Variants in EMX2 observed in about 807,000 individuals in gnomAD.
The protein encoded by EMX2 is empty spiracles homeobox 2, also known as homeobox protein EMX2.
EMX2 carries 6 observed loss-of-function variants against 23.0 expected under a neutral mutation model. The ratio of observed to expected loss-of-function variants is 0.26; its 90% CI spans 0.14 to 0.52. The LOEUF (loss-of-function observed/expected upper bound fraction) is 0.52. Ranked by LOEUF, EMX2 falls within the 20% of genes least tolerant of loss-of-function variation. The probability of loss-of-function intolerance (pLI) is 0.97; values close to 1 mark genes in which losing one functional copy is unlikely to be tolerated. For missense variants in EMX2, 302 were observed against 341.4 expected, an observed-to-expected ratio of 0.88 and a Z score of 0.91; for synonymous variants, 175 against 153.3, an observed-to-expected ratio of 1.14 and a Z score of -1.04.
intron 2 of EMX2, 128 bp from the exon 3 acceptor site, chr10:117,547,937 A>G (rs1189686720): frequency 7.5e-7 from 1 of 1,341,990 alleles, no homozygotes; most frequent in African/African-American, 1.5e-5. Context: ...GGACCTTAGG[A>G]CTTGCATCTC....
chr10:117,546,751 C>G (rs1290025311), intron 2 of EMX2, among the ~76,000 whole-genome samples: 7 of 152,250 alleles, frequency 4.6e-5, no homozygotes, highest in African/African-American at 1.7e-4. Flanking sequence ...AAGCCCCGAG[C>G]GCACCGACGC....
At chr10:117,547,814 C>T (rs1475911981) in intron 2 of EMX2, among the ~76,000 whole-genome samples, 1 of 152,242 alleles carries the variant, frequency 6.6e-6, no homozygotes, top group Non-Finnish European at 1.5e-5. Flanking sequence ...CACTCCGGGC[C>T]ACAGGGCCCT....
rs1380581528 is a variant in EMX2, at chr10:117,548,209, A to G, written c.736A>G (p.Ile246Val). ...CACCAAGCAGGCGAGTCCGGAGGAAATAGACGTGACCTCAGATGATTAAAA... is the reference window on the plus strand; with the variant it reads ...CACCAAGCAGGCGAGTCCGGAGGAAGTAGACGTGACCTCAGATGATTAAAA... ...IATKQASPEE[I>V]DVTSDD The change falls in exon 3 of 3, where the codon ATA becomes GTA. Residue 246 changes from isoleucine (I) to valine (V), a missense_variant. By Grantham distance (29) the Ile-to-Val change is conservative. Coordinates refer to ENST00000553456, the MANE Select transcript of EMX2 (RefSeq NM_004098.4). The G allele has an allele frequency of 3.1e-6, 5 of 1,613,876 alleles. No homozygotes were observed. Among genetic ancestry groups the G allele is most frequent in the Non-Finnish European group, 4.2e-6 (5 of 1,179,958 alleles).
At chr10:117,546,290 T>C (rs1455238833) in intron 2 of EMX2, among the ~76,000 whole-genome samples, 3 of 152,124 alleles carry the variant, frequency 2.0e-5, no homozygotes, top group Non-Finnish European at 4.4e-5. Flanking sequence ...AGATGGGCGA[T>C]GGGAAGGTAG....
At chr10:117,545,950 G>A (rs1846573110) in intron 2 of EMX2, 134 bp downstream of exon 2, 9 of 1,280,584 alleles carry the variant, frequency 7.0e-6, no homozygotes, top group Non-Finnish European at 9.9e-6. Flanking sequence ...TTCCACGCCT[G>A]GGCTCGGGAT....
Position 117,542,892 on chromosome 10 carries a change from G to A in EMX2, c.-376G>A, listed in dbSNP as rs1589647459. On this transcript the variant is annotated 5_prime_UTR_variant, in exon 1 of 3. Transcript: ENST00000553456. ...CCTTCTCCTCCCTGCCTCTAACTCC[G>A]ATCCCCCCACGCCATCTCGCCAAAA... The A allele has an allele frequency of 5.0e-5, 1 of 19,814 alleles. No individual in the cohort carries two copies. Among genetic ancestry groups the A allele is most frequent in the Non-Finnish European group, 8.3e-5 (1 of 12,094 alleles). The allele number at this position is 19,814 out of a possible 1,614,324, so 1.2% of individuals were successfully genotyped here.
chr10:117,542,966 A>C lies in EMX2; in HGVS notation c.-302A>C, dbSNP rs1382944263. 1 of 305,678 alleles carries C rather than the reference A, an allele frequency of 3.3e-6. No homozygotes were observed. The highest frequency in any genetic ancestry group is 5.9e-6 in the Non-Finnish European group (1 of 170,162). The allele number at this position is 305,678 out of a possible 1,614,324, so 18.9% of individuals were successfully genotyped here. A position where few individuals can be genotyped will look rare whatever the true frequency, so the allele number is the denominator to read the frequency against. ...AAAAAAAGAAAAAAAAAGAAAAAAA[A>C]TTACCCCAATCCACGCCTGCAAATT... On this transcript the variant is annotated 5_prime_UTR_variant, in exon 1 of 3. Coordinates refer to ENST00000553456, the MANE Select transcript of EMX2 (RefSeq NM_004098.4).
chr10:117,543,025 T>C lies in EMX2; in HGVS notation c.-243T>C, dbSNP rs1487928443. On this transcript the variant is annotated 5_prime_UTR_variant, in exon 1 of 3. Transcript: ENST00000553456. The stretch of plus-strand genomic sequence containing the variant: ...AGGATTTTCCCCCCTCTCTTCAGGT[T>C]GGGCGCGTTTGGTGCAAGATTCTCG... The C allele has an allele frequency of 4.3e-6, 2 of 468,082 alleles. No individual in the cohort carries two copies. The highest frequency in any genetic ancestry group is 4.2e-5 in the African/African-American group (2 of 47,442). The allele number at this position is 468,082 out of a possible 1,614,324, so 29.0% of individuals were successfully genotyped here.
chr10:117,547,992 G>T, intron 2 of EMX2, 73 bp from the exon 3 acceptor site: 3 of 1,546,156 alleles, frequency 1.9e-6, no homozygotes, highest in Non-Finnish European at 2.6e-6. Flanking sequence ...TCTGGGCTGG[G>T]TGAAAGGATC....
At position 117,548,219 on chromosome 10, in the gene EMX2, C is replaced by T; in HGVS notation, c.746C>T (p.Thr249Ile). The change falls in exon 3 of 3, where the codon ACC (threonine) becomes ATC (isoleucine). Residue 249 changes from threonine to isoleucine, a missense_variant. Thr to Ile is a moderately conservative substitution (Grantham distance 89, BLOSUM62 -1). Around this residue, in one of 4 missense-constraint regions of EMX2, gnomAD observed 42 missense variants for 49.3 expected, o/e 0.85. Transcript: ENST00000553456. Reference sequence around the variant, plus strand: ...GCGAGTCCGGAGGAAATAGACGTGACCTCAGATGATTAAAAACATAAACCT... The same window carrying T: ...GCGAGTCCGGAGGAAATAGACGTGATCTCAGATGATTAAAAACATAAACCT... ...KQASPEEIDV[T>I]SDD is the part of the protein sequence containing the mutation. 1 of 1,613,558 alleles carries T rather than the reference C, an allele frequency of 6.2e-7. No homozygotes were observed. Among genetic ancestry groups the T allele is most frequent in the South Asian group, 1.1e-5 (1 of 90,996 alleles).
In EMX2 at chr10:117,543,333, G is replaced by C; in HGVS notation, c.66G>C (p.Leu22=). Residue 22 remains leucine, a synonymous_variant, in exon 1 of 3, where the codon CTG becomes CTC. Coordinates refer to ENST00000553456, the MANE Select transcript of EMX2 (RefSeq NM_004098.4). Reference sequence around the variant, plus strand: ...CGCTGGTGGCCAAGGACAGTCCCCTGCCCGCCTCGCGCTCCGAGGACCCCA... The same window carrying C: ...CGCTGGTGGCCAAGGACAGTCCCCTCCCCGCCTCGCGCTCCGAGGACCCCA... ...IESLVAKDSP[L]PASRSEDPIR... 1 of 1,554,858 alleles carries C rather than the reference G, an allele frequency of 6.4e-7. No individual in the cohort carries two copies. The highest frequency in any genetic ancestry group is 8.7e-7 in the Non-Finnish European group (1 of 1,149,552).
At chr10:117,545,895 G>A (rs1011764118) in intron 2 of EMX2, 79 bp downstream of exon 2, 4 of 1,592,800 alleles carry the variant, frequency 2.5e-6, no homozygotes, top group African/African-American at 2.7e-5. Context: ...ACACCCATGA[G>A]CACGGAGCTC....
At chr10:117,545,903 C>T in intron 2 of EMX2, 87 bp downstream of exon 2, 1 of 1,571,182 alleles carries the variant, frequency 6.4e-7, no homozygotes, top group Admixed American at 1.7e-5. Context: ...GAGCACGGAG[C>T]TCTGTGAGGG....
chr10:117,544,380 T>TA (rs58443476), intron 1 of EMX2: 32,764 of 146,378 alleles, frequency 0.22, 3,768 homozygotes, highest in South Asian at 0.4. Flanking sequence ...TTTCTTTCTT[T>TA]AAAAAAAAAA....
rs1846530919 is a variant in EMX2 at position 117,543,647 on chromosome 10, A to G, written c.380A>G (p.Tyr127Cys). Reference sequence around the variant, plus strand: ...TTCTACCCCTGGCTCATCCACCGCTACCGATATCTGGGTCATCGCTTCCAA... The same window carrying G: ...TTCTACCCCTGGCTCATCCACCGCTGCCGATATCTGGGTCATCGCTTCCAA... ...STFYPWLIHR[Y>C]RYLGHRFQGN... The change falls in exon 1 of 3, where the codon TAC (tyrosine) becomes TGC (cysteine). Residue 127 changes from tyrosine to cysteine, a missense_variant. Physicochemically the swap from Tyr to Cys is radical, Grantham distance 194. This residue lies in a region of EMX2 where 221 missense variants were observed against 206.8 expected (regional missense o/e 1.07). Coordinates refer to ENST00000553456, the MANE Select transcript of EMX2 (RefSeq NM_004098.4). 2 of 1,613,484 alleles carry G rather than the reference A, an allele frequency of 1.2e-6. No individual in the cohort carries two copies. Among genetic ancestry groups the G allele is most frequent in the Non-Finnish European group, 1.7e-6 (2 of 1,179,716 alleles).
At chr10:117,547,749 G>T (rs1466721555) in intron 2 of EMX2, among the ~76,000 whole-genome samples, 1 of 152,222 alleles carries the variant, frequency 6.6e-6, no homozygotes, top group African/African-American at 2.4e-5. Flanking sequence ...GCAAGGCTTT[G>T]CTCTCAGCGG....
intron 2 of EMX2, among the ~76,000 whole-genome samples, chr10:117,547,707 CTTA>C (rs1434306128): frequency 6.6e-6 from 1 of 152,212 alleles, no homozygotes; most frequent in Non-Finnish European, 1.5e-5. Context: ...CTTTTAATCA[CTTA>C]TTATTTTTGT....
At chr10:117,547,538 G>A (rs1846596069) in intron 2 of EMX2, among the ~76,000 whole-genome samples, 1 of 152,122 alleles carries the variant, frequency 6.6e-6, no homozygotes, top group African/African-American at 2.4e-5. Context: ...GCCTACCCAG[G>A]GCCCCCGCCA....
At chr10:117,545,564 T>C in intron 1 of EMX2, 68 bp from the exon 2 acceptor site, 1 of 1,599,448 alleles carries the variant, frequency 6.3e-7, no homozygotes, top group Non-Finnish European at 8.5e-7. Flanking sequence ...CCAGCCCGGC[T>C]CGGGAGAAGT....
Sources: gnomAD v4.1 joint callset for allele counts (sites outside exome capture counted in the v4.1 genomes callset) on GRCh38, gnomAD v4.1.1 for gene constraint, gnomAD v4.1.1 regional missense constraint, MANE v1.5 for transcripts, NCBI Gene and HGNC (gene_info 2026-07-23, HGNC 2026-07-21) for gene names.